PRRC2C: variants seen among roughly 807,000 people sequenced by gnomAD.
The protein encoded by PRRC2C is protein PRRC2C.
PRRC2C carries 72 observed loss-of-function variants against 317.2 expected under a neutral mutation model. The observed-to-expected ratio is 0.23, with a 90% confidence interval of 0.19 to 0.28. PRRC2C has a LOEUF of 0.28. Ranked by LOEUF, PRRC2C falls within the 10% of genes least tolerant of loss-of-function variation. The pLI, the probability that PRRC2C is intolerant of heterozygous loss-of-function variation, is 1.00. For synonymous variants in PRRC2C, 1,296 were observed against 1,205.9 expected, an observed-to-expected ratio of 1.07 and a Z score of -1.55; for missense variants, 3,074 against 3,459.7, an observed-to-expected ratio of 0.89 and a Z score of 2.80.
intron 1 of PRRC2C, among the ~76,000 whole-genome samples, chr1:171,491,989 G>A (rs1667243946): frequency 6.6e-6 from 1 of 152,170 alleles, no homozygotes; most frequent in South Asian, 2.1e-4. Flanking sequence ...AAGGTACACA[G>A]TTACTTCTGA....
chr1:171,537,214 T>A, intron 14 of PRRC2C, 49 bp from the exon 15 acceptor site: 1 of 1,401,060 alleles, frequency 7.1e-7, no homozygotes, highest in Non-Finnish European at 9.9e-7. Flanking sequence ...TTTTGTTTCG[T>A]TCATTTTTCA....
Position 171,557,784 on chromosome 1 carries a change from C to T in PRRC2C, c.5672C>T (p.Thr1891Ile). The change falls in exon 19 of 35, where the codon ACA (threonine) becomes ATA (isoleucine). Residue 1891 changes from threonine to isoleucine, a missense_variant. Physicochemically the swap from Thr to Ile is moderately conservative, Grantham distance 89. Around this residue, in one of 11 missense-constraint regions of PRRC2C, gnomAD observed 640 missense variants for 676.1 expected, o/e 0.95. Coordinates refer to ENST00000647382, the MANE Select transcript of PRRC2C (RefSeq NM_001387844.1). ...TCTTCCCCAGCTGCCCCAGTCATCA[C>T]AGCACCAACTATCCCAGCCTCAGCC... ...AASSPAAPVI[T>I]APTIPASAPT... The T allele has an allele frequency of 6.4e-7, 1 of 1,550,940 alleles. No individual in the cohort carries two copies. Among genetic ancestry groups the T allele is most frequent in the South Asian group, 1.2e-5 (1 of 84,000 alleles).
In PRRC2C at chr1:171,566,669, A is replaced by G. The variant is rs367557083; in HGVS notation, c.6384A>G (p.Arg2128=). 9 of 1,611,574 alleles carry G rather than the reference A, an allele frequency of 5.6e-6. No individual in the cohort carries two copies. The African/African-American group carries it at 8.0e-5, about 14-fold the overall frequency. ...GAAAGGAACGTTCATTAAAAAATAG[A>G]AAAGTAAAAGATGCCCAACAGGTGG... ...PIGKERSLKN[R]KVKDAQQVEP... Residue 2128 remains arginine (R), a synonymous_variant, in exon 22 of 35, where the codon AGA becomes AGG. Coordinates refer to ENST00000647382, the MANE Select transcript of PRRC2C (RefSeq NM_001387844.1).
intron 7 of PRRC2C, 54 bp from the exon 8 acceptor site, chr1:171,523,167 C>G: frequency 2.7e-6 from 4 of 1,467,194 alleles, no homozygotes; most frequent in Non-Finnish European, 3.7e-6. Context: ...TTAGTATTCT[C>G]CCAGTTTAGT....
chr1:171,510,621 A>G (rs1281126149), intron 1 of PRRC2C: 3 of 152,174 alleles, frequency 2.0e-5, no homozygotes, highest in African/African-American at 7.2e-5. Context: ...AATTAATTGT[A>G]TACATTCTTC....
chr1:171,508,852 C>A (rs1349504182), intron 1 of PRRC2C, among the ~76,000 whole-genome samples: 3 of 151,900 alleles, frequency 2.0e-5, no homozygotes, highest in Non-Finnish European at 2.9e-5. Context: ...TGATTATTTT[C>A]TTCACTGACC....
intron 24 of PRRC2C, 107 bp downstream of exon 24, chr1:171,571,528 A>C: frequency 1.3e-6 from 1 of 789,628 alleles, no homozygotes; most frequent in Non-Finnish European, 2.1e-6. Context: ...GTAAGCAACA[A>C]TACTAAGCTG....
rs748044216 is a variant in PRRC2C at position 171,540,100 on chromosome 1, C to T, written c.2634C>T (p.Ser878=). Residue 878 remains serine, a synonymous_variant, in exon 16 of 35, where the codon AGC becomes AGT. Coordinates refer to ENST00000647382, the MANE Select transcript of PRRC2C (RefSeq NM_001387844.1). ...AGGCACAAGTACAAAAGTTTTTAAG[C>T]AGATCTGTGGAAGATGTTAGACCTC... is the stretch of plus-strand genomic sequence containing the variant. ...SSEAQVQKFL[S]RSVEDVRPHH... 3 of 1,613,938 alleles carry T rather than the reference C, an allele frequency of 1.9e-6. No homozygotes were observed. The highest frequency in any genetic ancestry group is 2.5e-6 in the Non-Finnish European group (3 of 1,179,862).
chr1:171,512,114 C>G lies in PRRC2C; in HGVS notation c.26C>G (p.Thr9Arg). 6.3e-7 allele frequency: 1 copy of G among 1,574,958 alleles called. No individual in the cohort carries two copies. The highest frequency in any genetic ancestry group is 1.2e-5 in the South Asian group (1 of 85,564). The change falls in exon 2 of 35, where the codon ACA (threonine) becomes AGA (arginine). Residue 9 changes from threonine (T) to arginine (R), a missense_variant. Physicochemically the swap from Thr to Arg is moderately conservative, Grantham distance 71 (BLOSUM62 -1). Transcript: ENST00000647382. ...ATGTCGGAGAAGTCAGGCCAGAGCA[C>G]AAAAGCAAAGGATGGGAAAAAGTAT... MSEKSGQS[T>R]KAKDGKKYAT...
chr1:171,557,962 T>C lies in PRRC2C; in HGVS notation c.5850T>C (p.Ser1950=). 4 of 1,609,252 alleles carry C rather than the reference T, an allele frequency of 2.5e-6. No individual in the cohort carries two copies. The highest frequency in any genetic ancestry group is 3.4e-6 in the Non-Finnish European group (4 of 1,178,582). The change falls in exon 19 of 35, where the codon TCT becomes TCC. Residue 1950 remains serine, a synonymous_variant. Transcript: ENST00000647382. ...TCCAGAATCCACTACAGACTACATCTCAGTCTTCAAAACAACCACCACCAT... is the reference window on the plus strand; with the variant it reads ...TCCAGAATCCACTACAGACTACATCCCAGTCTTCAAAACAACCACCACCAT... The part of the protein sequence containing the change: ...KPVQNPLQTT[S]QSSKQPPPSI...
At chr1:171,563,618 A>G (rs909894711) in intron 20 of PRRC2C, among the ~76,000 whole-genome samples, 1 of 152,140 alleles carries the variant, frequency 6.6e-6, no homozygotes. Flanking sequence ...AGGTGCTAAA[A>G]GATTTTTTTT....
At chr1:171,584,218 CA>C in intron 29 of PRRC2C, 31 bp downstream of exon 29, 1 of 1,519,744 alleles carries the variant, frequency 6.6e-7, no homozygotes, top group Non-Finnish European at 9.1e-7. Flanking sequence ...AATGCACCCT[CA>C]TTGTATTCCT....
intron 34 of PRRC2C, among the ~76,000 whole-genome samples, chr1:171,590,712 T>TC (rs1196335208): frequency 6.6e-6 from 1 of 152,218 alleles, no homozygotes; most frequent in African/African-American, 2.4e-5. Context: ...GCCTAGGATT[T>TC]CCATCTGTTT....
intron 6 of PRRC2C, among the ~76,000 whole-genome samples, chr1:171,518,661 CTTTTTTTTTTTT>C (rs386368727): frequency 1.7e-5 from 1 of 58,142 alleles, no homozygotes; most frequent in Admixed American, 2.4e-4. Flanking sequence ...CCACACCTGG[CTTTTTTTTTTTT>C]TTTTTTTTTG....
At position 171,541,525 on chromosome 1, in the gene PRRC2C, T is replaced by C; in HGVS notation, c.4059T>C (p.Gly1353=). ...GCAGAGGGGGAACATTCAGGCGTGG[T>C]GGAAGGGATCCTGGAGGCCGTCCAT... is the stretch of plus-strand genomic sequence containing the variant. ...RRGRGGTFRR[G]GRDPGGRPSR... The change falls in exon 16 of 35, where the codon GGT becomes GGC. Residue 1353 remains glycine, a synonymous_variant. Coordinates refer to ENST00000647382, the MANE Select transcript of PRRC2C (RefSeq NM_001387844.1). The surrounding 1 kb of genome is among the most constrained non-coding windows in gnomAD (Gnocchi z 4.1). 6.2e-7 allele frequency: 1 copy of C among 1,613,260 alleles called. No homozygotes were observed. The highest frequency in any genetic ancestry group is 2.2e-5 in the East Asian group (1 of 44,834).
intron 17 of PRRC2C, among the ~76,000 whole-genome samples, chr1:171,547,429 A>G (rs75994165): frequency 0.031 from 4,786 of 152,286 alleles, 237 homozygotes; most frequent in African/African-American, 0.11. Flanking sequence ...AGATGAAATT[A>G]GAATTATGAT....
At chr1:171,529,256 T>C (rs1675327877) in intron 11 of PRRC2C, among the ~76,000 whole-genome samples, 2 of 152,216 alleles carry the variant, frequency 1.3e-5, no homozygotes, top group Admixed American at 6.5e-5. Flanking sequence ...GTATGTCTTC[T>C]ATGAGCTGAT....
intron 1 of PRRC2C, among the ~76,000 whole-genome samples, chr1:171,507,376 C>T (rs942550702): frequency 3.9e-5 from 6 of 152,052 alleles, no homozygotes; most frequent in Non-Finnish European, 8.8e-5. Flanking sequence ...TTTGGGAGGC[C>T]GAGGACGGTG....
chr1:171,563,702 A>G (rs1449766117), intron 20 of PRRC2C, among the ~76,000 whole-genome samples: 2 of 152,188 alleles, frequency 1.3e-5, no homozygotes, highest in Non-Finnish European at 2.9e-5. Context: ...AGTAGGCTTC[A>G]TCATCTGTTT....
Sources: gnomAD v4.1 joint callset for allele counts (sites outside exome capture counted in the v4.1 genomes callset) on GRCh38, gnomAD v4.1.1 for gene constraint, gnomAD v4.1.1 regional missense constraint, Gnocchi (gnomAD v3.1) non-coding constraint, MANE v1.5 for transcripts, NCBI Gene and HGNC (gene_info 2026-07-23, HGNC 2026-07-21) for gene names.